SORCS1: variants seen among roughly 807,000 people sequenced by gnomAD.
SORCS1 encodes VPS10 domain-containing receptor SorCS1.
Under a neutral mutation model 146.1 loss-of-function variants are expected in SORCS1, and 60 were observed. The ratio of observed to expected loss-of-function variants is 0.41; its 90% CI spans 0.33 to 0.51. The LOEUF is 0.51. Ranked by LOEUF, SORCS1 falls within the 20% of genes least tolerant of loss-of-function variation. SORCS1 has a pLI of 0.21. For synonymous variants in SORCS1, 637 were observed against 584.0 expected, an observed-to-expected ratio of 1.09 and a Z score of -1.31; for missense variants, 1,352 against 1,487.6, an observed-to-expected ratio of 0.91 and a Z score of 1.50.
intron 5 of SORCS1, among the ~76,000 whole-genome samples, chr10:106,734,542 T>A (rs10884346): frequency 6.6e-6 from 1 of 151,612 alleles, no homozygotes; most frequent in Non-Finnish European, 1.5e-5. Flanking sequence ...ATGCCACAGA[T>A]AGATTAGCAA....
chr10:106,952,006 T>G (rs116860848), intron 2 of SORCS1, among the ~76,000 whole-genome samples: 2 of 152,152 alleles, frequency 1.3e-5, no homozygotes, highest in Non-Finnish European at 2.9e-5. Flanking sequence ...TCAAAAAGTA[T>G]CAAAGAAGTA....
At chr10:106,641,495 C>T (rs1398763095) in intron 18 of SORCS1, among the ~76,000 whole-genome samples, 1 of 152,112 alleles carries the variant, frequency 6.6e-6, no homozygotes, top group Non-Finnish European at 1.5e-5. Context: ...CATTCTAATG[C>T]ATGTCTAGGA....
At chr10:106,930,143 G>A (rs1953330079) in intron 2 of SORCS1, among the ~76,000 whole-genome samples, 1 of 152,116 alleles carries the variant, frequency 6.6e-6, no homozygotes, top group Non-Finnish European at 1.5e-5. Flanking sequence ...TTAGCCGGGT[G>A]TGGTGCTGAG....
intron 1 of SORCS1, among the ~76,000 whole-genome samples, chr10:107,000,384 G>A (rs1957169024): frequency 6.6e-6 from 1 of 151,876 alleles, no homozygotes; most frequent in Non-Finnish European, 1.5e-5. Context: ...TGCATCATGA[G>A]GTCAGGAGAT....
intron 3 of SORCS1, among the ~76,000 whole-genome samples, chr10:106,824,581 T>G (rs1948206056): frequency 6.8e-6 from 1 of 146,104 alleles, no homozygotes; most frequent in Non-Finnish European, 1.5e-5. Context: ...AGAGTGAGAC[T>G]TCATCTCAAA....
chr10:106,719,477 A>G (rs2135925986), intron 6 of SORCS1, among the ~76,000 whole-genome samples: 1 of 150,184 alleles, frequency 6.7e-6, no homozygotes, highest in Non-Finnish European at 1.5e-5. Context: ...CAGTGGCACC[A>G]TCTTGGCTCA....
At chr10:107,124,147 A>G (rs1301850698) in intron 1 of SORCS1, among the ~76,000 whole-genome samples, 1 of 152,026 alleles carries the variant, frequency 6.6e-6, no homozygotes, top group African/African-American at 2.4e-5. Context: ...TAGAGTGAGA[A>G]TTAAATAATA....
intron 1 of SORCS1, among the ~76,000 whole-genome samples, chr10:107,144,084 C>A (rs1290334051): frequency 6.6e-6 from 1 of 152,118 alleles, no homozygotes; most frequent in African/African-American, 2.4e-5. Context: ...CATGCTTATC[C>A]TTCCCCTTAG....
At chr10:107,065,802 G>A (rs1961793409) in intron 1 of SORCS1, among the ~76,000 whole-genome samples, 1 of 152,082 alleles carries the variant, frequency 6.6e-6, no homozygotes, top group African/African-American at 2.4e-5. Flanking sequence ...GCAGGCATGA[G>A]CCACCACTCC....
At chr10:106,801,497 T>G (rs1946870235) in intron 3 of SORCS1, among the ~76,000 whole-genome samples, 1 of 152,010 alleles carries the variant, frequency 6.6e-6, no homozygotes, top group African/African-American at 2.4e-5. Context: ...CCCACGAATT[T>G]ATTGGGCAGG....
At chr10:106,730,302 A>C (rs1199443510) in intron 5 of SORCS1, among the ~76,000 whole-genome samples, 188 bp from the exon 6 acceptor site, 1 of 152,216 alleles carries the variant, frequency 6.6e-6, no homozygotes, top group African/African-American at 2.4e-5. Context: ...AAAAATGATA[A>C]TGAAAACTAC....
intron 1 of SORCS1, among the ~76,000 whole-genome samples, chr10:107,018,810 C>A (rs1958007851): frequency 6.6e-6 from 1 of 152,108 alleles, no homozygotes; most frequent in African/African-American, 2.4e-5. Context: ...ACTTTTTGAA[C>A]AGTGACTTCA....
chr10:106,780,956 A>AT (rs977595126), intron 3 of SORCS1, among the ~76,000 whole-genome samples: 6 of 150,526 alleles, frequency 4.0e-5, no homozygotes, highest in African/African-American at 1.5e-4. Context: ...CAATTTATAG[A>AT]TTTCAAATAC....
chr10:106,677,506 A>G, intron 12 of SORCS1, 102 bp from the exon 13 acceptor site: 1 of 1,010,268 alleles, frequency 9.9e-7, no homozygotes, highest in Non-Finnish European at 1.5e-6. Flanking sequence ...TTCCCATGAT[A>G]AAAATAGGTT....
At chr10:107,165,292 AGTGTGT>A (rs3982278), upstream of SORCS1, among the ~76,000 whole-genome samples, 1,723 of 142,792 alleles carry the variant, frequency 0.012, 23 homozygotes, top group Non-Finnish European at 0.018. This position sits in a 1 kb window ranked among gnomAD's most constrained non-coding sequence, Gnocchi z 4.0. Context: ...CTCGTGTGTG[AGTGTGT>A]GTGTGTGTGT....
intron 1 of SORCS1, among the ~76,000 whole-genome samples, chr10:107,055,914 C>G (rs1297535243): frequency 6.6e-6 from 1 of 152,114 alleles, no homozygotes; most frequent in Non-Finnish European, 1.5e-5. Flanking sequence ...CTTTTTTCTT[C>G]TGAATACTGA....
At chr10:106,788,059 C>T (rs1007252481) in intron 3 of SORCS1, among the ~76,000 whole-genome samples, 33 of 152,098 alleles carry the variant, frequency 2.2e-4, no homozygotes, top group African/African-American at 7.5e-4. Context: ...TTGGCTTATT[C>T]CTATAGCACC....
intron 18 of SORCS1, among the ~76,000 whole-genome samples, chr10:106,651,500 A>G (rs1259069588): frequency 1.3e-5 from 2 of 152,162 alleles, no homozygotes; most frequent in Non-Finnish European, 2.9e-5. Context: ...TGATTTTCTT[A>G]TACATGGTAA....
intron 4 of SORCS1, among the ~76,000 whole-genome samples, chr10:106,767,993 A>G (rs1229841083): frequency 6.6e-6 from 1 of 152,010 alleles, no homozygotes; most frequent in African/African-American, 2.4e-5. Context: ...TTTTTCCCGA[A>G]ATCATTAGAA....
Sources: allele counts gnomAD v4.1 joint callset (sites outside exome capture counted in the v4.1 genomes callset), GRCh38; gene constraint gnomAD v4.1.1; non-coding constraint Gnocchi (gnomAD v3.1); transcripts MANE v1.5; gene names NCBI Gene and HGNC (gene_info 2026-07-23, HGNC 2026-07-21).